Variants in LIMCH1 observed in about 807,000 individuals in gnomAD.
LIMCH1 encodes LIM and calponin homology domains-containing protein 1.
LIMCH1 carries 113 observed loss-of-function variants against 176.5 expected under a neutral mutation model. That is an observed-to-expected ratio of 0.64 (90% CI 0.55 to 0.75). LIMCH1 has a LOEUF of 0.75. Among genes scored for constraint, LIMCH1 ranks in the 30% least tolerant of loss-of-function variants. LIMCH1 has a pLI of 0.00. For missense variants in LIMCH1, 1,674 were observed against 1,814.9 expected (o/e 0.92, Z 1.41); for synonymous variants, 619 against 645.9 (o/e 0.96, Z 0.63).
At chr4:41,634,923 T>C (rs2093502616) in intron 13 of LIMCH1, among the ~76,000 whole-genome samples, 2 of 152,180 alleles carry the variant, frequency 1.3e-5, no homozygotes, top group African/African-American at 4.8e-5. Context: ...TGCCCTGGAC[T>C]TGACCCTGGA....
At chr4:41,455,062 A>T (rs942372214) in intron 1 of LIMCH1, among the ~76,000 whole-genome samples, 2 of 152,074 alleles carry the variant, frequency 1.3e-5, no homozygotes, top group African/African-American at 2.4e-5. Flanking sequence ...ATACAGTCAT[A>T]AAATGTACTG....
chr4:41,579,839 A>C (rs558892061), intron 1 of LIMCH1, among the ~76,000 whole-genome samples: 1 of 152,076 alleles, frequency 6.6e-6, no homozygotes, highest in African/African-American at 2.4e-5. Flanking sequence ...TTGTTTCTCA[A>C]TGCTTCATGG....
intron 1 of LIMCH1, among the ~76,000 whole-genome samples, chr4:41,492,366 A>G (rs2071236584): frequency 6.7e-6 from 1 of 148,246 alleles, no homozygotes; most frequent in South Asian, 2.2e-4. Flanking sequence ...ATGGCAGTAC[A>G]GTCCAGGCTC....
intron 2 of LIMCH1, among the ~76,000 whole-genome samples, chr4:41,603,039 T>C (rs1432181882): frequency 1.3e-5 from 2 of 152,200 alleles, no homozygotes; most frequent in African/African-American, 2.4e-5. Context: ...TTCATTAATA[T>C]GTACTTTAGG....
rs528684065 is a variant in LIMCH1, at chr4:41,548,523, A to G, written c.-241+10173A>G. ...GCTGTTTTGTTTGATTAATGACACC[A>G]TCAACTGGCCCTATCCCAGAGTGTA... On this transcript the variant is annotated intron_variant, in intron 1 of 31. Transcript: ENST00000503057. Among the ~76,000 whole-genome samples the G allele has an allele frequency of 3.7e-3, 557 of 152,250 alleles. 4 individuals carry two copies. Among genetic ancestry groups the G allele is most frequent in the Non-Finnish European group, 6.2e-3 (424 of 68,026 alleles).
chr4:41,660,588 A>G (rs999022100), intron 18 of LIMCH1, among the ~76,000 whole-genome samples: 6 of 152,254 alleles, frequency 3.9e-5, no homozygotes, highest in Non-Finnish European at 7.3e-5. Context: ...TTCATGAGGT[A>G]TGAGTCAAAG....
At chr4:41,419,665 CTTCCTTCCTTCCTTCCTCCTTCCTTCCT>C (rs1561311771) in intron 1 of LIMCH1, among the ~76,000 whole-genome samples, 48 of 78,346 alleles carry the variant, frequency 6.1e-4, no homozygotes, top group African/African-American at 2.5e-3. Flanking sequence ...TCCTTCCTTC[CTTCCTTCCTTCCTTCCTCCTTCCTTCCT>C]TCCTTCCTTC....
intron 2 of LIMCH1, among the ~76,000 whole-genome samples, chr4:41,513,351 C>T (rs566508066): frequency 4.6e-5 from 7 of 152,282 alleles, no homozygotes; most frequent in Admixed American, 2.6e-4. Flanking sequence ...AATGTATTCC[C>T]CAGTCCTCTG....
At chr4:41,611,544 C>T (rs983468316) in intron 4 of LIMCH1, among the ~76,000 whole-genome samples, 5 of 152,116 alleles carry the variant, frequency 3.3e-5, no homozygotes, top group African/African-American at 9.7e-5. Context: ...TCAGCTATAC[C>T]GTTTGGGATT....
chr4:41,494,902 G>A (rs987169576), intron 2 of LIMCH1, among the ~76,000 whole-genome samples: 3 of 152,076 alleles, frequency 2.0e-5, no homozygotes, highest in African/African-American at 4.8e-5. Context: ...TAATTGTAAG[G>A]GTGGACCTAA....
chr4:41,393,601 G>A (rs2057489118), intron 1 of LIMCH1, among the ~76,000 whole-genome samples: 1 of 152,132 alleles, frequency 6.6e-6, no homozygotes, highest in African/African-American at 2.4e-5. Flanking sequence ...AAGCCTGCTA[G>A]GAATAAAAGA....
intron 2 of LIMCH1, among the ~76,000 whole-genome samples, chr4:41,503,023 A>G (rs892604235): frequency 6.6e-6 from 1 of 151,614 alleles, no homozygotes; most frequent in African/African-American, 2.4e-5. Context: ...CCATCCATCC[A>G]TCCATCCATC....
chr4:41,454,450 G>GGAGAGAGA (rs58614605), intron 1 of LIMCH1, among the ~76,000 whole-genome samples: 338 of 148,436 alleles, frequency 2.3e-3, no homozygotes, highest in African/African-American at 7.9e-3. Flanking sequence ...ATGATGAGGG[G>GGAGAGAGA]GAGAGAGAGA....
At chr4:41,444,309 TATATACACACACACACACACACACAC>T (rs2063033520) in intron 1 of LIMCH1, among the ~76,000 whole-genome samples, 2 of 99,526 alleles carry the variant, frequency 2.0e-5, no homozygotes, top group African/African-American at 3.1e-5. Flanking sequence ...TGTGTGTATA[TATATACACACACACACACACACACAC>T]ACACACACAC....
At chr4:41,412,984 T>C (rs1395307633) in intron 1 of LIMCH1, among the ~76,000 whole-genome samples, 1 of 152,300 alleles carries the variant, frequency 6.6e-6, no homozygotes, top group South Asian at 2.1e-4. Flanking sequence ...TCCTCATAGC[T>C]AAAGGGAAAG....
At chr4:41,510,713 C>A (rs542108711) in intron 2 of LIMCH1, among the ~76,000 whole-genome samples, 3 of 152,062 alleles carry the variant, frequency 2.0e-5, no homozygotes, top group Non-Finnish European at 4.4e-5. Flanking sequence ...CTCAGCCTCC[C>A]GAGTAGCTGG....
rs751745882 is a variant in LIMCH1 at position 41,646,591 on chromosome 4, G to T, written c.2518G>T (p.Ala840Ser). 1 of 1,614,172 alleles carries T rather than the reference G, an allele frequency of 6.2e-7. No homozygotes were observed. Among genetic ancestry groups the T allele is most frequent in the Non-Finnish European group, 8.5e-7 (1 of 1,180,028 alleles). ...QYIERFTISE[A>S]VLERLEMPKI... is the part of the protein sequence containing the mutation. ...CATTGAGAGGTTCACCATCAGTGAG[G>T]CTGTTCTCGAACGCTTGGAGATGCC... Residue 840 changes from alanine to serine, a missense_variant, in exon 17 of 32, where the codon GCT (alanine) becomes TCT (serine). By Grantham distance (99) the Ala-to-Ser change is moderately conservative (BLOSUM62 1). Transcript: ENST00000503057.
exon 2 of LIMCH1, chr4:41,494,574 G>A (rs369334551): frequency 1.0e-4 from 163 of 1,612,770 alleles, no homozygotes; most frequent in Non-Finnish European, 1.3e-4. Context: ...AAGATTTTCG[G>A]ACAGGTTTAG....
intron 2 of LIMCH1, among the ~76,000 whole-genome samples, chr4:41,512,381 C>A (rs1318786147): frequency 6.6e-6 from 1 of 152,162 alleles, no homozygotes; most frequent in Non-Finnish European, 1.5e-5. Context: ...TACCATATGA[C>A]CCAGCTGTTA....
Sources: allele counts gnomAD v4.1 joint callset (sites outside exome capture counted in the v4.1 genomes callset), GRCh38; gene constraint gnomAD v4.1.1; transcripts MANE v1.5; gene names NCBI Gene and HGNC (gene_info 2026-07-23, HGNC 2026-07-21).